POFUT3: variants seen among roughly 807,000 people sequenced by gnomAD.
The protein encoded by POFUT3 is protein O-fucosyltransferase 3.
the POFUT3 span, among the ~76,000 whole-genome samples, chr8:33,444,933 C>CTTTTTTTTTT: frequency 4.1e-5 from 5 of 121,668 alleles, no homozygotes; most frequent in Admixed American, 9.4e-5. Context: ...TGACCTTCAT[C>CTTTTTTTTTT]TTTTTTTTTT....
At chr8:33,466,698 G>A in the POFUT3 span, among the ~76,000 whole-genome samples, 3 of 152,140 alleles carry the variant, frequency 2.0e-5, no homozygotes, top group African/African-American at 7.2e-5. Flanking sequence ...TCCAACTGGT[G>A]GGACAGGCAG....
chr8:33,370,777 C>T, the POFUT3 span: 1 of 152,200 alleles, frequency 6.6e-6, no homozygotes, highest in Admixed American at 6.5e-5. Context: ...GCATAAATCA[C>T]CTCTCAGGCT....
chr8:33,338,217 T>C, the POFUT3 span, among the ~76,000 whole-genome samples: 6 of 152,184 alleles, frequency 3.9e-5, no homozygotes, highest in Non-Finnish European at 8.8e-5. Flanking sequence ...TGGGACACAA[T>C]TCAGGCCATA....
chr8:33,469,124 G>A, the POFUT3 span, among the ~76,000 whole-genome samples: 1 of 152,120 alleles, frequency 6.6e-6, no homozygotes, highest in Non-Finnish European at 1.5e-5. Flanking sequence ...TGGCCAACAT[G>A]ACAAAACCCC....
chr8:33,468,922 G>GGGTT, the POFUT3 span, among the ~76,000 whole-genome samples: 1 of 152,160 alleles, frequency 6.6e-6, no homozygotes, highest in Non-Finnish European at 1.5e-5. Flanking sequence ...GGAGTCAACT[G>GGGTT]GGTTAATAAG....
At chr8:33,343,280 T>C in the POFUT3 span, among the ~76,000 whole-genome samples, 3 of 152,192 alleles carry the variant, frequency 2.0e-5, no homozygotes, top group South Asian at 6.2e-4. Flanking sequence ...CTGTCCATCA[T>C]GTCTGGAATG....
the POFUT3 span, among the ~76,000 whole-genome samples, chr8:33,459,799 C>G: frequency 2.0e-5 from 3 of 152,152 alleles, no homozygotes; most frequent in Non-Finnish European, 4.4e-5. Context: ...TGGCTCACAC[C>G]TGTAATGCCA....
At chr8:33,388,872 T>C in the POFUT3 span, 1 of 978,338 alleles carries the variant, frequency 1.0e-6, no homozygotes, top group Non-Finnish European at 1.6e-6. Flanking sequence ...AGAACACTGA[T>C]GAGGTGGCAA....
At chr8:33,342,892 G>C in the POFUT3 span, among the ~76,000 whole-genome samples, 1 of 152,234 alleles carries the variant, frequency 6.6e-6, no homozygotes, top group South Asian at 2.1e-4. Flanking sequence ...GATCACCTAA[G>C]ATCAGGAGTT....
At chr8:33,338,702 A>G in the POFUT3 span, among the ~76,000 whole-genome samples, 1 of 152,224 alleles carries the variant, frequency 6.6e-6, no homozygotes, top group Non-Finnish European at 1.5e-5. Flanking sequence ...ACTGCCCATC[A>G]GTAGTGAAGA....
the POFUT3 span, among the ~76,000 whole-genome samples, chr8:33,346,101 A>G: frequency 1.3e-5 from 2 of 149,000 alleles, no homozygotes; most frequent in African/African-American, 4.9e-5. Context: ...CTGGGATTAC[A>G]GGCGTGAGCC....
the POFUT3 span, among the ~76,000 whole-genome samples, chr8:33,335,766 A>G: frequency 6.6e-6 from 1 of 152,196 alleles, no homozygotes; most frequent in South Asian, 2.1e-4. Flanking sequence ...GTCAGCTAGA[A>G]AAAGAAAATT....
chr8:33,453,105 G>A, the POFUT3 span: 1 of 1,043,712 alleles, frequency 9.6e-7, no homozygotes, highest in South Asian at 1.5e-5. Flanking sequence ...AATCAGGGGT[G>A]TCAAAGTGTT....
the POFUT3 span, among the ~76,000 whole-genome samples, chr8:33,321,689 G>A: frequency 6.6e-6 from 1 of 152,094 alleles, no homozygotes; most frequent in Non-Finnish European, 1.5e-5. Flanking sequence ...ACATGCTTGT[G>A]CCTGAAGAAA....
chr8:33,407,178 A>T, the POFUT3 span, among the ~76,000 whole-genome samples: 1 of 152,196 alleles, frequency 6.6e-6, no homozygotes, highest in Non-Finnish European at 1.5e-5. Context: ...CCAAAAGGAA[A>T]GCTGGCAGAT....
At chr8:33,318,419 T>A in the POFUT3 span, among the ~76,000 whole-genome samples, 1 of 145,890 alleles carries the variant, frequency 6.9e-6, no homozygotes, top group African/African-American at 2.5e-5. Flanking sequence ...TATGCACACA[T>A]ACACACATGT....
the POFUT3 span, among the ~76,000 whole-genome samples, chr8:33,470,178 T>A: frequency 7.3e-6 from 1 of 137,696 alleles, no homozygotes; most frequent in South Asian, 2.3e-4. Context: ...GGTGGGTGGA[T>A]CACTTAAGCC....
chr8:33,369,926 G>C, the POFUT3 span, among the ~76,000 whole-genome samples: 3 of 151,828 alleles, frequency 2.0e-5, no homozygotes, highest in Non-Finnish European at 4.4e-5. Flanking sequence ...TATGATCAAG[G>C]GTAAAAGTTG....
At chr8:33,348,671 A>G in the POFUT3 span, among the ~76,000 whole-genome samples, 14 of 152,378 alleles carry the variant, frequency 9.2e-5, no homozygotes, top group Non-Finnish European at 2.1e-4. Flanking sequence ...ATTTGAAGTG[A>G]GTCCTGAAGA....
Sources: allele counts gnomAD v4.1 joint callset (sites outside exome capture counted in the v4.1 genomes callset), GRCh38; gene constraint gnomAD v4.1.1; transcripts MANE v1.5; gene names NCBI Gene and HGNC (gene_info 2026-07-23, HGNC 2026-07-21).